The following AGBL4 variants were observed in gnomAD, a reference collection of about 807,000 sequenced individuals.
AGBL4 encodes cytosolic carboxypeptidase 6.
In AGBL4, 58 loss-of-function variants were observed where a neutral mutation model predicts 66.4. That is an observed-to-expected ratio of 0.87 (90% confidence interval 0.71 to 1.09). AGBL4 has a LOEUF of 1.09. AGBL4 is among the 50% of genes least tolerant of loss of function. AGBL4 has a pLI of 0.00. For missense variants in AGBL4, 579 were observed against 631.0 expected, an observed-to-expected ratio of 0.92 and a Z score of 0.88; for synonymous variants, 234 against 222.9, an observed-to-expected ratio of 1.05 and a Z score of -0.44.
At chr1:48,697,698 A>G (rs1187166537) in intron 6 of AGBL4, among the ~76,000 whole-genome samples, 2 of 152,174 alleles carry the variant, frequency 1.3e-5, no homozygotes, top group Non-Finnish European at 2.9e-5. Flanking sequence ...CACACTATGT[A>G]ACCATTCACC....
intron 3 of AGBL4, among the ~76,000 whole-genome samples, chr1:49,684,179 AT>A (rs1306990073): frequency 6.6e-6 from 1 of 152,124 alleles, no homozygotes; most frequent in Admixed American, 6.5e-5. Context: ...TCTTGATTTT[AT>A]TGTTTTTGTT....
At chr1:48,676,690 T>C (rs1646370544) in intron 6 of AGBL4, among the ~76,000 whole-genome samples, 2 of 152,194 alleles carry the variant, frequency 1.3e-5, no homozygotes, top group African/African-American at 4.8e-5. Context: ...AACAGGCTCC[T>C]GTGGACAGTT....
chr1:49,996,129 A>T (rs1291007977), intron 1 of AGBL4: 1 of 152,186 alleles, frequency 6.6e-6, no homozygotes, highest in African/African-American at 2.4e-5. Context: ...CAGAAAAAAC[A>T]GTTCTGGTAA....
intron 3 of AGBL4, among the ~76,000 whole-genome samples, chr1:49,414,197 A>C (rs1645378268): frequency 6.6e-6 from 1 of 152,192 alleles, no homozygotes; most frequent in Non-Finnish European, 1.5e-5. Context: ...AGACACATAC[A>C]CATATATATA....
At chr1:49,605,403 G>T (rs2124194122) in intron 3 of AGBL4, among the ~76,000 whole-genome samples, 2 of 152,232 alleles carry the variant, frequency 1.3e-5, no homozygotes, top group East Asian at 3.9e-4. Context: ...CAGTCAAAAT[G>T]TATAGTTTGA....
intron 4 of AGBL4, among the ~76,000 whole-genome samples, chr1:49,049,775 G>C (rs1443813743): frequency 6.6e-6 from 1 of 151,954 alleles, no homozygotes; most frequent in Non-Finnish European, 1.5e-5. Context: ...TGTTAGGTTA[G>C]ACAAGGCAGA....
intron 6 of AGBL4, among the ~76,000 whole-genome samples, chr1:48,771,166 T>G (rs1170537996): frequency 6.6e-6 from 1 of 152,190 alleles, no homozygotes; most frequent in African/African-American, 2.4e-5. Context: ...TCAATACTTG[T>G]GGAACTTAAA....
At chr1:48,858,585 T>C (rs1647244811) in intron 6 of AGBL4, among the ~76,000 whole-genome samples, 1 of 152,182 alleles carries the variant, frequency 6.6e-6, no homozygotes, top group South Asian at 2.1e-4. Context: ...CAATAGGCCA[T>C]ATATGGTATG....
chr1:49,788,959 T>C (rs1166173361), intron 2 of AGBL4, among the ~76,000 whole-genome samples: 1 of 152,242 alleles, frequency 6.6e-6, no homozygotes, highest in Non-Finnish European at 1.5e-5. Context: ...GCCCATTCAG[T>C]ATGATATTGG....
At chr1:48,930,194 C>T (rs560152071) in intron 5 of AGBL4, among the ~76,000 whole-genome samples, 30 of 152,052 alleles carry the variant, frequency 2.0e-4, no homozygotes, top group Admixed American at 4.6e-4. Flanking sequence ...AGATTAGACA[C>T]GTGTAAGGGA....
intron 5 of AGBL4, among the ~76,000 whole-genome samples, chr1:48,877,464 T>C (rs1160827175): frequency 2.6e-5 from 4 of 152,136 alleles, no homozygotes; most frequent in African/African-American, 9.7e-5. Flanking sequence ...CTTAAGACTA[T>C]CAGGAAATCT....
At chr1:49,977,514 C>T (rs753344621) in intron 1 of AGBL4, among the ~76,000 whole-genome samples, 5 of 152,234 alleles carry the variant, frequency 3.3e-5, no homozygotes, top group East Asian at 1.9e-4. Flanking sequence ...AAGGACCAGA[C>T]GGTATGTGAG....
intron 3 of AGBL4, among the ~76,000 whole-genome samples, chr1:49,402,688 C>A (rs1475425627): frequency 6.6e-6 from 1 of 151,998 alleles, no homozygotes; most frequent in Admixed American, 6.6e-5. Flanking sequence ...CTGCCTCAGC[C>A]TCCTGAGTAG....
chr1:49,822,134 GA>G (rs1200677958), intron 2 of AGBL4, among the ~76,000 whole-genome samples: 2 of 151,270 alleles, frequency 1.3e-5, no homozygotes, highest in Admixed American at 1.3e-4. Context: ...TTCTTTTCCA[GA>G]AAAAAAATTG....
intron 4 of AGBL4, among the ~76,000 whole-genome samples, chr1:49,065,462 A>C (rs1644475355): frequency 2.6e-5 from 4 of 152,228 alleles, no homozygotes. Flanking sequence ...CAATGTTTCC[A>C]AAGTAACTGA....
intron 4 of AGBL4, among the ~76,000 whole-genome samples, chr1:49,201,246 G>A (rs931415834): frequency 2.6e-5 from 4 of 152,072 alleles, no homozygotes; most frequent in Admixed American, 1.3e-4. Context: ...CTTGGACTTG[G>A]TCCTGCATCC....
rs556938660 is a variant in AGBL4, at chr1:49,288,255, C to T, written c.283-42391G>A. The stretch of plus-strand genomic sequence containing the variant: ...GGGAGGGATAGCATTGGGAGATATA[C>T]CTAATGCTTGATGACGAGTTAGTGG... On this transcript the variant is annotated intron_variant, in intron 3 of 13. Coordinates refer to ENST00000371839, the MANE Select transcript of AGBL4 (RefSeq NM_032785.4). Among the ~76,000 whole-genome samples, 9 of 147,916 alleles carry T rather than the reference C, an allele frequency of 6.1e-5. 1 individual carries two copies. The South Asian group carries it at 2.0e-3, about 33-fold the overall frequency.
chr1:49,066,152 G>A (rs547291822), intron 4 of AGBL4, among the ~76,000 whole-genome samples: 2 of 152,276 alleles, frequency 1.3e-5, no homozygotes, highest in Admixed American at 6.5e-5. Flanking sequence ...TCACGTGAGA[G>A]CATGGCTTGT....
chr1:49,306,724 G>T (rs1037403837), intron 3 of AGBL4, among the ~76,000 whole-genome samples: 1 of 152,188 alleles, frequency 6.6e-6, no homozygotes, highest in African/African-American at 2.4e-5. Context: ...CATGTGTGGG[G>T]ATAGAGAAGA....
Sources: allele counts gnomAD v4.1 joint callset (sites outside exome capture counted in the v4.1 genomes callset), GRCh38; gene constraint gnomAD v4.1.1; transcripts MANE v1.5; gene names NCBI Gene and HGNC (gene_info 2026-07-23, HGNC 2026-07-21).